Variants in PRKCQ observed in about 807,000 individuals in gnomAD.
PRKCQ encodes protein kinase C theta, also known as protein kinase C theta type.
In PRKCQ, 41 loss-of-function variants were observed where a neutral mutation model predicts 91.2. The observed-to-expected ratio is 0.45, with a 90% CI of 0.35 to 0.58. The LOEUF (loss-of-function observed/expected upper bound fraction) is 0.58, where lower values mean the gene tolerates loss of function less well. Ranked by LOEUF, PRKCQ falls within the 20% of genes least tolerant of loss-of-function variation. PRKCQ has a pLI of 0.00. For missense variants in PRKCQ, 673 were observed against 896.5 expected (o/e 0.75, Z 3.18); for synonymous variants, 307 against 316.9 (o/e 0.97, Z 0.33).
Position 6,428,121 on chromosome 10 carries a change from A to G in PRKCQ, c.*86T>C. On this transcript the variant is annotated 3_prime_UTR_variant, in exon 18 of 18. Transcript: ENST00000263125. The stretch of plus-strand genomic sequence containing the variant: ...TTGTTGAGTGTTTCTTTCTTTTTCC[A>G]AGTTGAAAAAGGAACCCAAGCAGTG... The G allele has an allele frequency of 2.6e-6, 4 of 1,532,022 alleles. No individual in the cohort carries two copies. The highest frequency in any genetic ancestry group is 3.6e-6 in the Non-Finnish European group (4 of 1,118,966). The allele number at this position is 1,532,022 out of a possible 1,614,324, so 94.9% of individuals were successfully genotyped here. A position where few individuals can be genotyped will look rare whatever the true frequency, so the allele number is the denominator to read the frequency against.
Position 6,442,028 on chromosome 10 carries a change from A to G in PRKCQ, c.1701T>C (p.Val567=), listed in dbSNP as rs1833996802. 6.2e-7 allele frequency: 1 copy of G among 1,614,158 alleles called. No homozygotes were observed. Among genetic ancestry groups the G allele is most frequent in the East Asian group, 2.2e-5 (1 of 44,864 alleles). ...GACCAATCAGCATTTCATAAAGGAGAACCCCGAAGGACCACCAGTCCACAG... is the reference window on the plus strand; with the variant it reads ...GACCAATCAGCATTTCATAAAGGAGGACCCCGAAGGACCACCAGTCCACAG... ...NHSVDWWSFG[V]LLYEMLIGQS... The change falls in exon 16 of 18, where the codon GTT becomes GTC. Residue 567 remains valine, a synonymous_variant. Transcript: ENST00000263125.
chr10:6,408,924 A>C, the PRKCQ span, among the ~76,000 whole-genome samples: 1 of 152,354 alleles, frequency 6.6e-6, no homozygotes, highest in Non-Finnish European at 1.5e-5. Flanking sequence ...GAGCATGTTC[A>C]GATTCAGTTT....
At chr10:6,459,744 A>T (rs186268011) in intron 14 of PRKCQ, among the ~76,000 whole-genome samples, 3 of 152,346 alleles carry the variant, frequency 2.0e-5, no homozygotes, top group Admixed American at 2.0e-4. Flanking sequence ...GAATGCCTGC[A>T]GCCACCAGAG....
intron 16 of PRKCQ, among the ~76,000 whole-genome samples, chr10:6,435,427 A>G (rs1298557922): frequency 3.9e-5 from 6 of 152,252 alleles, no homozygotes; most frequent in African/African-American, 1.4e-4. Flanking sequence ...GGGCTGTTGG[A>G]TCAAAGCAAA....
intron 1 of PRKCQ, among the ~76,000 whole-genome samples, chr10:6,554,900 C>T (rs1840346266): frequency 6.6e-6 from 1 of 152,074 alleles, no homozygotes; most frequent in Non-Finnish European, 1.5e-5. Flanking sequence ...AACCTAGATG[C>T]TCATAAGGAA....
intron 12 of PRKCQ, among the ~76,000 whole-genome samples, chr10:6,469,959 G>T (rs940568883): frequency 1.3e-5 from 2 of 152,150 alleles, no homozygotes; most frequent in African/African-American, 4.8e-5. Context: ...TCTCCCTCTT[G>T]TCTGGTTTCT....
chr10:6,456,920 C>A, intron 14 of PRKCQ, 108 bp from the exon 15 acceptor site: 1 of 1,164,020 alleles, frequency 8.6e-7, no homozygotes, highest in South Asian at 1.5e-5. Context: ...GAGAGGGGCT[C>A]ACGAGAGGCG....
chr10:6,547,315 AT>A, intron 1 of PRKCQ, among the ~76,000 whole-genome samples: 1 of 152,054 alleles, frequency 6.6e-6, no homozygotes, highest in East Asian at 1.9e-4. Context: ...GCCCAAGGTA[AT>A]TTATAGATTC....
chr10:6,533,722 A>C (rs975399249), intron 1 of PRKCQ, among the ~76,000 whole-genome samples: 11 of 152,244 alleles, frequency 7.2e-5, no homozygotes, highest in African/African-American at 2.7e-4. Context: ...GTCCAGAAAC[A>C]GATCCAATTA....
At chr10:6,404,970 C>CCTTCCTTCCT in the PRKCQ span, among the ~76,000 whole-genome samples, 3 of 119,952 alleles carry the variant, frequency 2.5e-5, no homozygotes, top group Non-Finnish European at 1.8e-5. Flanking sequence ...TTCCTTCCTT[C>CCTTCCTTCCT]TCTCTCTCTC....
At chr10:6,420,539 CT>C in the PRKCQ span, among the ~76,000 whole-genome samples, 132 of 152,100 alleles carry the variant, frequency 8.7e-4, 2 homozygotes, top group East Asian at 0.02. Context: ...TCACTCCCGC[CT>C]TTTTTTTGGT....
Position 6,430,947 on chromosome 10 carries a change from G to T in PRKCQ, c.1837-9C>A. 1.2e-6 allele frequency: 2 copies of T among 1,613,562 alleles called. No individual in the cohort carries two copies. The highest frequency in any genetic ancestry group is 1.1e-5 in the South Asian group (1 of 91,010). On this transcript the variant is annotated splice_polypyrimidine_tract_variant and intron_variant, in intron 16 of 17. Transcript: ENST00000263125. The surrounding 1 kb of genome is among the most constrained non-coding windows in gnomAD (Gnocchi z 4.7). ...GGTTCTCGCACGAAGAGCTGAAAGG[G>T]AGCAGAGCAGGAGCCCTGAGGTCTC...
At chr10:6,456,016 C>T (rs1224249078) in intron 15 of PRKCQ, among the ~76,000 whole-genome samples, 1 of 152,172 alleles carries the variant, frequency 6.6e-6, no homozygotes, top group Non-Finnish European at 1.5e-5. Flanking sequence ...TGTCACTAAT[C>T]TCCCTGGGTG....
At chr10:6,419,332 A>T in the PRKCQ span, among the ~76,000 whole-genome samples, 1 of 146,538 alleles carries the variant, frequency 6.8e-6, no homozygotes, top group African/African-American at 2.4e-5. Flanking sequence ...AAAATCCTTT[A>T]GTTGTTTCTC....
the PRKCQ span, among the ~76,000 whole-genome samples, chr10:6,410,892 G>A: frequency 2.0e-5 from 3 of 150,252 alleles, no homozygotes; most frequent in East Asian, 2.0e-4. Context: ...CACGAGAATC[G>A]CTTGAACCCG....
chr10:6,558,303 G>C (rs900215781), intron 1 of PRKCQ, among the ~76,000 whole-genome samples: 4 of 152,150 alleles, frequency 2.6e-5, no homozygotes, highest in Admixed American at 6.5e-5. Flanking sequence ...CCTTGAAATT[G>C]TTCAAAAGAA....
At chr10:6,487,777 C>T (rs923022417) in intron 8 of PRKCQ, among the ~76,000 whole-genome samples, 1 of 152,060 alleles carries the variant, frequency 6.6e-6, no homozygotes, top group African/African-American at 2.4e-5. Context: ...GCGGGCAGAT[C>T]ACCTGAGGTC....
chr10:6,472,893 A>C (rs916854360), intron 12 of PRKCQ, among the ~76,000 whole-genome samples: 1 of 152,030 alleles, frequency 6.6e-6, no homozygotes, highest in African/African-American at 2.4e-5. Context: ...TTGTATTTTT[A>C]GTGGAGACAG....
In PRKCQ at chr10:6,531,244, A is replaced by C. The variant is rs147238867; in HGVS notation, c.-9-16100T>G. ...GCAAAGCTGCCCTGGAGTCAGCTCC[A>C]CCAGGCCAGGCCAGCAGCTTTCTCG... On this transcript the variant is annotated intron_variant, in intron 1 of 17. Coordinates refer to ENST00000263125, the MANE Select transcript of PRKCQ (RefSeq NM_006257.5). Among the ~76,000 whole-genome samples the C allele has an allele frequency of 3.0e-3, 459 of 152,178 alleles. 2 individuals are homozygous for C. The highest frequency in any genetic ancestry group is 1.0e-2 in the African/African-American group (415 of 41,512).
Sources: allele counts gnomAD v4.1 joint callset (sites outside exome capture counted in the v4.1 genomes callset), GRCh38; gene constraint gnomAD v4.1.1; non-coding constraint Gnocchi (gnomAD v3.1); transcripts MANE v1.5; gene names NCBI Gene and HGNC (gene_info 2026-07-23, HGNC 2026-07-21).